TCF12: variants seen among roughly 807,000 people sequenced by gnomAD.
The protein encoded by TCF12 is transcription factor 12.
In TCF12, 45 loss-of-function variants were observed where a neutral mutation model predicts 86.0. That is an observed-to-expected ratio of 0.52 (90% confidence interval 0.41 to 0.67). TCF12 has a LOEUF of 0.67. Among genes scored for constraint, TCF12 ranks in the 30% least tolerant of loss-of-function variants. TCF12 has a pLI of 0.00. For synonymous variants in TCF12, 330 were observed against 299.6 expected, an observed-to-expected ratio of 1.10 and a Z score of -1.05; for missense variants, 881 against 859.9, an observed-to-expected ratio of 1.02 and a Z score of -0.31.
At chr15:56,960,688 C>G (rs1453676465) in intron 3 of TCF12, among the ~76,000 whole-genome samples, 1 of 151,384 alleles carries the variant, frequency 6.6e-6, no homozygotes, top group Admixed American at 6.6e-5. Flanking sequence ...CCTCGGCTTT[C>G]CAAAGTATTG....
intron 3 of TCF12, among the ~76,000 whole-genome samples, chr15:57,057,530 T>C (rs1207808876): frequency 6.6e-6 from 1 of 152,186 alleles, no homozygotes; most frequent in Non-Finnish European, 1.5e-5. Flanking sequence ...CCCAGAGCCT[T>C]TATGTAGTTG....
At chr15:57,079,771 G>A (rs1425020584) in intron 4 of TCF12, among the ~76,000 whole-genome samples, 2 of 152,034 alleles carry the variant, frequency 1.3e-5, no homozygotes, top group African/African-American at 4.8e-5. Flanking sequence ...AAGTAAAATG[G>A]TCTTTAGTTA....
intron 3 of TCF12, among the ~76,000 whole-genome samples, chr15:57,030,044 A>G (rs773103448): frequency 6.9e-6 from 1 of 144,890 alleles, no homozygotes; most frequent in Non-Finnish European, 1.5e-5. Flanking sequence ...ATTTTTGTGC[A>G]TGTTTTTGTA....
chr15:57,269,872 T>C (rs943443514), intron 18 of TCF12, among the ~76,000 whole-genome samples: 7 of 152,212 alleles, frequency 4.6e-5, no homozygotes, highest in Non-Finnish European at 8.8e-5. Flanking sequence ...TTAAGAATGT[T>C]GAAATATTGG....
intron 4 of TCF12, among the ~76,000 whole-genome samples, chr15:57,071,655 C>G (rs1163799106): frequency 6.6e-6 from 1 of 152,058 alleles, no homozygotes; most frequent in Non-Finnish European, 1.5e-5. Flanking sequence ...AAACACAGCC[C>G]AAAAAACTTC....
At chr15:57,023,649 C>T (rs2065632913) in intron 3 of TCF12, among the ~76,000 whole-genome samples, 1 of 152,068 alleles carries the variant, frequency 6.6e-6, no homozygotes, top group Non-Finnish European at 1.5e-5. Flanking sequence ...AAGACTCAAA[C>T]ACAGGGAGGT....
chr15:57,113,281 C>T (rs755775486), intron 5 of TCF12, among the ~76,000 whole-genome samples: 3 of 152,194 alleles, frequency 2.0e-5, no homozygotes, highest in East Asian at 1.9e-4. Context: ...TCTGTAGCTT[C>T]GGAAATAGAC....
At chr15:56,997,224 A>G (rs1456784787) in intron 3 of TCF12, among the ~76,000 whole-genome samples, 3 of 152,160 alleles carry the variant, frequency 2.0e-5, no homozygotes, top group African/African-American at 7.2e-5. Context: ...GAATCAACAC[A>G]TGTGCCTATC....
chr15:57,252,833 A>C (rs1307747066), intron 15 of TCF12, among the ~76,000 whole-genome samples: 3 of 152,066 alleles, frequency 2.0e-5, no homozygotes, highest in Admixed American at 6.5e-5. Flanking sequence ...TGCTTTATAT[A>C]CTTAAGACAA....
chr15:57,247,568 C>T (rs2059921188), intron 13 of TCF12: 1 of 889,554 alleles, frequency 1.1e-6, no homozygotes, highest in East Asian at 2.4e-5. Context: ...TCCACTCTGC[C>T]TGTCTTCCAT....
chr15:57,166,073 A>C (rs189768662), intron 5 of TCF12, among the ~76,000 whole-genome samples: 58 of 152,126 alleles, frequency 3.8e-4, no homozygotes, highest in African/African-American at 1.4e-3. Flanking sequence ...GAATACAGGC[A>C]TATATCACCA....
intron 3 of TCF12, among the ~76,000 whole-genome samples, chr15:56,963,008 A>G (rs2061837440): frequency 6.7e-6 from 1 of 149,548 alleles, no homozygotes; most frequent in Non-Finnish European, 1.5e-5. Context: ...TCTTTGAAGC[A>G]GATTTAATGT....
intron 16 of TCF12, among the ~76,000 whole-genome samples, chr15:57,258,759 AT>A (rs1442969716): frequency 3.3e-5 from 5 of 152,190 alleles, no homozygotes; most frequent in Non-Finnish European, 1.5e-5. Flanking sequence ...CTATATAATG[AT>A]TTAAAAATAT....
chr15:57,153,699 C>T (rs1291203310), intron 5 of TCF12, among the ~76,000 whole-genome samples: 1 of 152,064 alleles, frequency 6.6e-6, no homozygotes, highest in Non-Finnish European at 1.5e-5. Flanking sequence ...AACTTATCTA[C>T]CAATAGTGGC....
intron 5 of TCF12, among the ~76,000 whole-genome samples, chr15:57,141,325 CAT>C (rs1755126679): frequency 6.6e-6 from 1 of 152,186 alleles, no homozygotes; most frequent in South Asian, 2.1e-4. Context: ...TAAAAGCAGG[CAT>C]TAACTAACCA....
intron 6 of TCF12, among the ~76,000 whole-genome samples, chr15:57,186,393 G>A (rs1281858896): frequency 6.6e-6 from 1 of 152,132 alleles, no homozygotes; most frequent in Non-Finnish European, 1.5e-5. Context: ...TAGCTACTTA[G>A]GAGGCTGAGG....
intron 3 of TCF12, among the ~76,000 whole-genome samples, chr15:56,962,355 A>C (rs1434613261): frequency 4.6e-5 from 7 of 152,018 alleles, no homozygotes; most frequent in African/African-American, 1.7e-4. Context: ...TTTAAACACT[A>C]CTCCGGATTT....
chr15:57,283,482 C>T (rs1484105761), intron 20 of TCF12, among the ~76,000 whole-genome samples: 1 of 152,158 alleles, frequency 6.6e-6, no homozygotes, highest in Non-Finnish European at 1.5e-5. Context: ...CCAGGCTGGT[C>T]TCGAACTCCT....
chr15:57,258,082 T>C (rs2152039819), intron 16 of TCF12, among the ~76,000 whole-genome samples: 1 of 152,256 alleles, frequency 6.6e-6, no homozygotes, highest in Middle Eastern at 3.4e-3. Flanking sequence ...GGACTACTGC[T>C]TGAGCCTAGG....
Sources: gnomAD v4.1 joint callset for allele counts (sites outside exome capture counted in the v4.1 genomes callset) on GRCh38, gnomAD v4.1.1 for gene constraint, MANE v1.5 for transcripts, NCBI Gene and HGNC (gene_info 2026-07-23, HGNC 2026-07-21) for gene names.